CDH9: variants seen among roughly 807,000 people sequenced by gnomAD.
CDH9 encodes the protein cadherin-9.
A neutral mutation model predicts 70.9 loss-of-function variants in CDH9; 28 were observed. That is an observed-to-expected ratio of 0.40 (90% CI 0.29 to 0.54). CDH9 has a LOEUF of 0.54. Ranked by LOEUF, CDH9 falls within the 20% of genes least tolerant of loss-of-function variation. The pLI is 0.59. For missense variants in CDH9, 874 were observed against 984.4 expected, an observed-to-expected ratio of 0.89 and a Z score of 1.50; for synonymous variants, 409 against 343.1, an observed-to-expected ratio of 1.19 and a Z score of -2.12.
At chr5:27,020,728 GCACACA>G (rs150359349) in intron 1 of CDH9, among the ~76,000 whole-genome samples, 2 of 147,202 alleles carry the variant, frequency 1.4e-5, no homozygotes, top group African/African-American at 2.5e-5. Flanking sequence ...ATTCACACAC[GCACACA>G]CACACACACA....
intron 3 of CDH9, among the ~76,000 whole-genome samples, chr5:26,910,957 T>C (rs1741042881): frequency 6.6e-6 from 1 of 152,218 alleles, no homozygotes; most frequent in African/African-American, 2.4e-5. Context: ...GACAGTGTCA[T>C]GGAATTATAA....
chr5:27,033,304 A>G (rs1189810282), intron 1 of CDH9, among the ~76,000 whole-genome samples: 2 of 151,494 alleles, frequency 1.3e-5, no homozygotes, highest in Admixed American at 1.3e-4. Context: ...TTATGTGAAC[A>G]TTGAATGTTC....
intron 1 of CDH9, among the ~76,000 whole-genome samples, chr5:27,018,025 C>A (rs11955412): frequency 0.49 from 74,537 of 151,442 alleles, 19,333 homozygotes; most frequent in African/African-American, 0.58. Context: ...TTCTATTCAG[C>A]ATAGTAAAAA....
intron 2 of CDH9, among the ~76,000 whole-genome samples, chr5:26,972,400 T>A (rs1742234931): frequency 6.6e-6 from 1 of 152,126 alleles, no homozygotes; most frequent in Non-Finnish European, 1.5e-5. Context: ...GGAAACTATT[T>A]TTCTTATACA....
chr5:26,947,157 G>A (rs1741769117), intron 2 of CDH9, among the ~76,000 whole-genome samples: 1 of 152,042 alleles, frequency 6.6e-6, no homozygotes, highest in Non-Finnish European at 1.5e-5. Flanking sequence ...GTCCTCTTTG[G>A]TGGAAAACAT....
Position 26,886,057 on chromosome 5 carries a change from A to G in CDH9, c.1539T>C (p.Asp513=), listed in dbSNP as rs752687588. 1 of 1,606,988 alleles carries G rather than the reference A, an allele frequency of 6.2e-7. No individual in the cohort carries two copies. The highest frequency in any genetic ancestry group is 1.1e-5 in the South Asian group (1 of 88,772). Reference sequence around the variant, plus strand: ...TGTGACCTCGGGGAGGGTCATCCTTATCCATGACACTGACAGTCTGAATCA... The same window carrying G: ...TGTGACCTCGGGGAGGGTCATCCTTGTCCATGACACTGACAGTCTGAATCA... ...GQLIQTVSVM[D]KDDPPRGHKF... is the part of the protein sequence containing the mutation. The change falls in exon 10 of 12, where the codon GAT becomes GAC. Residue 513 remains aspartate, a synonymous_variant. Coordinates refer to ENST00000231021, the MANE Select transcript of CDH9 (RefSeq NM_016279.4).
chr5:26,993,894 G>A (rs1267780182), intron 1 of CDH9, among the ~76,000 whole-genome samples: 1 of 151,994 alleles, frequency 6.6e-6, no homozygotes, highest in African/African-American at 2.4e-5. Context: ...GCCACCCCAG[G>A]AGGTTCAGAA....
intron 1 of CDH9, among the ~76,000 whole-genome samples, chr5:27,001,407 A>G (rs1477008289): frequency 1.3e-5 from 2 of 152,102 alleles, no homozygotes; most frequent in Non-Finnish European, 2.9e-5. Context: ...GAACTGAACA[A>G]TTAAGTAAGT....
intron 2 of CDH9, among the ~76,000 whole-genome samples, chr5:26,951,649 A>T (rs1741847599): frequency 6.6e-6 from 1 of 152,176 alleles, no homozygotes; most frequent in Non-Finnish European, 1.5e-5. Flanking sequence ...GGGGAGCCAC[A>T]CAGAATATTC....
At chr5:26,984,335 A>G (rs1008838582) in intron 2 of CDH9, among the ~76,000 whole-genome samples, 1 of 152,186 alleles carries the variant, frequency 6.6e-6, no homozygotes, top group Non-Finnish European at 1.5e-5. Flanking sequence ...AATTAAGTTG[A>G]TATTCCAAAT....
intron 2 of CDH9, among the ~76,000 whole-genome samples, chr5:26,932,418 A>C (rs112142068): frequency 3.9e-5 from 6 of 152,132 alleles, no homozygotes; most frequent in African/African-American, 1.2e-4. Context: ...AGAAAAAAAA[A>C]CAAAATATTT....
chr5:26,934,890 C>A (rs1741530995), intron 2 of CDH9, among the ~76,000 whole-genome samples: 1 of 151,264 alleles, frequency 6.6e-6, no homozygotes. Flanking sequence ...CACATCTTAA[C>A]CATAGGAAGC....
chr5:27,036,975 C>A (rs17507398), intron 1 of CDH9, among the ~76,000 whole-genome samples: 68,545 of 151,776 alleles, frequency 0.45, 16,273 homozygotes, highest in Non-Finnish European at 0.5. Context: ...TGTTTCAAAC[C>A]TGGATTAGCC....
At chr5:26,968,155 G>A (rs1218839575) in intron 2 of CDH9, among the ~76,000 whole-genome samples, 5 of 152,096 alleles carry the variant, frequency 3.3e-5, no homozygotes, top group Admixed American at 6.6e-5. Flanking sequence ...TTAGTTGGAT[G>A]TTAAACATCC....
At chr5:26,896,437 T>G (rs1740751125) in intron 7 of CDH9, among the ~76,000 whole-genome samples, 1 of 147,184 alleles carries the variant, frequency 6.8e-6, no homozygotes, top group South Asian at 2.1e-4. Flanking sequence ...TTATTTATGA[T>G]GTATAATATA....
chr5:26,984,712 C>G (rs1411487692), intron 2 of CDH9, among the ~76,000 whole-genome samples: 1 of 152,072 alleles, frequency 6.6e-6, no homozygotes, highest in Non-Finnish European at 1.5e-5. Flanking sequence ...TCACAAGTGT[C>G]TCTTCAAGTT....
intron 2 of CDH9, among the ~76,000 whole-genome samples, chr5:26,940,549 T>A (rs1741642882): frequency 1.3e-5 from 2 of 152,212 alleles, no homozygotes; most frequent in Non-Finnish European, 2.9e-5. Context: ...ATTTGATATG[T>A]GGTTTTCAGG....
chr5:26,970,324 T>G (rs1417154089), intron 2 of CDH9, among the ~76,000 whole-genome samples: 2 of 152,024 alleles, frequency 1.3e-5, no homozygotes, highest in Non-Finnish European at 2.9e-5. Context: ...GATCAATTCT[T>G]TTTTCAAGTA....
intron 3 of CDH9, among the ~76,000 whole-genome samples, chr5:26,911,795 T>C (rs141064390): frequency 8.5e-5 from 13 of 152,264 alleles, no homozygotes; most frequent in African/African-American, 2.6e-4. Context: ...TAGAATATGC[T>C]AGTGTATTTC....
Sources: gnomAD v4.1 joint callset for allele counts (sites outside exome capture counted in the v4.1 genomes callset) on GRCh38, gnomAD v4.1.1 for gene constraint, MANE v1.5 for transcripts, NCBI Gene and HGNC (gene_info 2026-07-23, HGNC 2026-07-21) for gene names.